SUGCT: variants seen among roughly 807,000 people sequenced by gnomAD.
The protein encoded by SUGCT is succinyl-CoA:glutarate CoA-transferase.
In SUGCT, 41 loss-of-function variants were observed where a neutral mutation model predicts 55.0. The observed-to-expected ratio is 0.74, with a 90% CI of 0.58 to 0.97. The LOEUF (loss-of-function observed/expected upper bound fraction) is 0.97. Among genes scored for constraint, SUGCT ranks in the 50% least tolerant of loss-of-function variants. The pLI is 0.00. For missense variants in SUGCT, 568 were observed against 547.8 expected (o/e 1.04, Z -0.37); for synonymous variants, 187 against 200.4 (o/e 0.93, Z 0.56).
chr7:41,011,743 A>G, the SUGCT span, among the ~76,000 whole-genome samples: 6 of 152,344 alleles, frequency 3.9e-5, no homozygotes, highest in South Asian at 1.2e-3. Flanking sequence ...ATGGAACTGG[A>G]TAGGTTATAC....
intron 7 of SUGCT, among the ~76,000 whole-genome samples, chr7:40,272,511 C>G (rs1459287652): frequency 6.6e-6 from 1 of 151,454 alleles, no homozygotes; most frequent in Admixed American, 6.6e-5. Flanking sequence ...TTGATGGACA[C>G]TTGGGTTTAT....
At chr7:40,247,261 T>C (rs1031081501) in intron 7 of SUGCT, among the ~76,000 whole-genome samples, 4 of 151,806 alleles carry the variant, frequency 2.6e-5, no homozygotes, top group African/African-American at 9.7e-5. Flanking sequence ...ATAATGCAAG[T>C]CTTTTTTTGT....
At chr7:40,765,866 C>T (rs1029281510) in intron 13 of SUGCT, among the ~76,000 whole-genome samples, 2 of 152,204 alleles carry the variant, frequency 1.3e-5, no homozygotes, top group African/African-American at 2.4e-5. Flanking sequence ...GACCACAAGG[C>T]CCCTTCCTGT....
intron 13 of SUGCT, among the ~76,000 whole-genome samples, chr7:40,809,938 G>A (rs1333381868): frequency 6.6e-6 from 1 of 152,058 alleles, no homozygotes; most frequent in Non-Finnish European, 1.5e-5. Flanking sequence ...CTGCATCCAT[G>A]TTGCTGCGAA....
chr7:40,725,746 T>A (rs1204320874), intron 12 of SUGCT, among the ~76,000 whole-genome samples: 4 of 152,170 alleles, frequency 2.6e-5, no homozygotes, highest in Admixed American at 2.6e-4. Flanking sequence ...AATACAAATC[T>A]GTAGTTCCCA....
At chr7:40,605,143 G>A (rs534995135) in intron 12 of SUGCT, among the ~76,000 whole-genome samples, 1 of 152,346 alleles carries the variant, frequency 6.6e-6, no homozygotes, top group African/African-American at 2.4e-5. Context: ...AGCATAAGAC[G>A]ATGGCCATGG....
chr7:40,338,365 C>T (rs1044107533), intron 9 of SUGCT, among the ~76,000 whole-genome samples: 5 of 152,148 alleles, frequency 3.3e-5, no homozygotes, highest in African/African-American at 1.2e-4. Flanking sequence ...TTCCATTCTC[C>T]CCGTCACTTT....
chr7:40,744,081 C>T (rs1449122848), intron 12 of SUGCT, among the ~76,000 whole-genome samples: 1 of 151,514 alleles, frequency 6.6e-6, no homozygotes, highest in Non-Finnish European at 1.5e-5. Context: ...ACCACCACAC[C>T]TGGCTAAATT....
chr7:41,020,459 A>G, the SUGCT span, among the ~76,000 whole-genome samples: 1 of 152,344 alleles, frequency 6.6e-6, no homozygotes, highest in South Asian at 2.1e-4. Flanking sequence ...CATTATTAAA[A>G]CCACAGATTT....
intron 13 of SUGCT, among the ~76,000 whole-genome samples, chr7:40,760,305 A>G (rs1788467226): frequency 6.6e-6 from 1 of 152,216 alleles, no homozygotes; most frequent in Non-Finnish European, 1.5e-5. Flanking sequence ...TTCCCCAAGC[A>G]TGTGGTTGAT....
intron 12 of SUGCT, among the ~76,000 whole-genome samples, chr7:40,645,075 G>A (rs1800438145): frequency 6.6e-6 from 1 of 152,206 alleles, no homozygotes; most frequent in Admixed American, 6.5e-5. Context: ...AGGTGCTGCT[G>A]TTCTGTACCC....
chr7:40,202,895 C>T (rs1786692826), intron 6 of SUGCT, among the ~76,000 whole-genome samples: 1 of 152,206 alleles, frequency 6.6e-6, no homozygotes, highest in Non-Finnish European at 1.5e-5. Flanking sequence ...AATCCTCCCT[C>T]CTCCTTGGCC....
chr7:40,923,453 C>T, the SUGCT span, among the ~76,000 whole-genome samples: 1 of 152,064 alleles, frequency 6.6e-6, no homozygotes, highest in African/African-American at 2.4e-5. Context: ...CACCATTTAC[C>T]CATTCAGAGC....
chr7:40,210,552 C>T (rs1298900447), intron 6 of SUGCT, among the ~76,000 whole-genome samples: 4 of 151,706 alleles, frequency 2.6e-5, no homozygotes, highest in Non-Finnish European at 4.4e-5. Context: ...AAATAGCACT[C>T]GAATATAAAA....
intron 12 of SUGCT, among the ~76,000 whole-genome samples, chr7:40,618,888 G>C (rs1307835119): frequency 6.6e-6 from 1 of 152,066 alleles, no homozygotes; most frequent in Non-Finnish European, 1.5e-5. Context: ...TGTCCTCTAG[G>C]AGACAGAATT....
chr7:40,611,688 A>G (rs1798773180), intron 12 of SUGCT, among the ~76,000 whole-genome samples: 1 of 152,332 alleles, frequency 6.6e-6, no homozygotes, highest in East Asian at 1.9e-4. Flanking sequence ...GCTTTCTTCA[A>G]AGTACATTAC....
chr7:40,262,822 A>G (rs1791316845), intron 7 of SUGCT, among the ~76,000 whole-genome samples: 1 of 152,244 alleles, frequency 6.6e-6, no homozygotes, highest in South Asian at 2.1e-4. Flanking sequence ...CAATATATGG[A>G]GAAAAGATGG....
intron 11 of SUGCT, among the ~76,000 whole-genome samples, chr7:40,460,622 G>GA (rs1789744139): frequency 6.6e-6 from 1 of 152,108 alleles, no homozygotes; most frequent in Non-Finnish European, 1.5e-5. Context: ...CAGATCCCAA[G>GA]AAAAATATGA....
At chr7:40,433,375 CAT>C (rs1342223740) in intron 9 of SUGCT, among the ~76,000 whole-genome samples, 3 of 151,124 alleles carry the variant, frequency 2.0e-5, no homozygotes, top group Non-Finnish European at 2.9e-5. Flanking sequence ...TTGATATCCA[CAT>C]GTTTCAAAAA....
Sources: allele counts gnomAD v4.1 joint callset (sites outside exome capture counted in the v4.1 genomes callset), GRCh38; gene constraint gnomAD v4.1.1; transcripts MANE v1.5; gene names NCBI Gene and HGNC (gene_info 2026-07-23, HGNC 2026-07-21).